The following LPA variants were observed in gnomAD, a reference collection of about 807,000 sequenced individuals.
The protein encoded by LPA is apolipoprotein(a).
LPA carries 199 observed loss-of-function variants against 197.9 expected under a neutral mutation model. The observed-to-expected ratio is 1.01, with a 90% CI of 0.90 to 1.13. The LOEUF is 1.13. LPA is among the 50% of genes most tolerant of loss of function. The pLI is 0.00. For synonymous variants in LPA, 715 were observed against 639.5 expected, an observed-to-expected ratio of 1.12 and a Z score of -1.78; for missense variants, 1,853 against 1,785.8, an observed-to-expected ratio of 1.04 and a Z score of -0.68.
At chr6:160,654,008 TATATTA>T (rs1780067255) in intron 1 of LPA, among the ~76,000 whole-genome samples, 1 of 8,656 alleles carries the variant, frequency 1.2e-4, no homozygotes, top group Admixed American at 2.3e-3. Context: ...ATATATAATA[TATATTA>T]TATATAATAT....
At chr6:160,576,396 A>ATATATATG (rs1778674900) in intron 28 of LPA, among the ~76,000 whole-genome samples, 2 of 46,938 alleles carry the variant, frequency 4.3e-5, no homozygotes, top group African/African-American at 2.4e-4. Flanking sequence ...ATATGTATAT[A>ATATATATG]TATATATATA....
In LPA at chr6:160,653,972, A is replaced by G. The variant is rs1422634628; in HGVS notation, c.50-3475T>C. ...ATATTATATATAATATATATTATAT[A>G]TAATATATAATATATAATATATATT... On this transcript the variant is annotated intron_variant, in intron 1 of 38. Coordinates refer to ENST00000316300, the MANE Select transcript of LPA (RefSeq NM_005577.4). 1.1e-3 allele frequency among the ~76,000 whole-genome samples: 22 copies of G among 20,688 alleles called. 3 individuals are homozygous for G. The highest frequency in any genetic ancestry group is 1.8e-3 in the Non-Finnish European group (22 of 12,296). 13.6% of individuals were successfully genotyped at this position (20,688 alleles called of 152,430 possible).
chr6:160,562,595 G>A (rs559008431), intron 28 of LPA, among the ~76,000 whole-genome samples: 5 of 152,348 alleles, frequency 3.3e-5, no homozygotes, highest in African/African-American at 9.6e-5. Flanking sequence ...AATGAGTTAG[G>A]CAGGAGTCCC....
At chr6:160,576,340 G>GTATATATATATATATATATATATACA (rs1778660677) in intron 28 of LPA, among the ~76,000 whole-genome samples, 1 of 40,394 alleles carries the variant, frequency 2.5e-5, no homozygotes, top group Non-Finnish European at 4.5e-5. Context: ...GTGTGTGTGT[G>GTATATATATATATATATATATATACA]TATATATATA....
At chr6:160,564,727 C>G (rs1778420970) in intron 28 of LPA, among the ~76,000 whole-genome samples, 1 of 152,158 alleles carries the variant, frequency 6.6e-6, no homozygotes, top group African/African-American at 2.4e-5. Context: ...TGTAAGGGGT[C>G]AGGGAATTCC....
At position 160,590,998 on chromosome 6, in the gene LPA, A is replaced by G. The variant is rs1779018603; in HGVS notation, c.3733T>C (p.Cys1245Arg). 1.2e-6 allele frequency: 2 copies of G among 1,614,012 alleles called. No individual in the cohort carries two copies. The highest frequency in any genetic ancestry group is 1.1e-5 in the South Asian group (1 of 91,086). ...AGGACACTTGATTCTGTCACTGGAC[A>G]TTGTGTCAGGTTGCAGTACTCCCAT... is the stretch of plus-strand genomic sequence containing the variant. ...VRWEYCNLTQCPVTESSVLAT... is the reference protein window; with the variant it reads ...VRWEYCNLTQRPVTESSVLAT... Residue 1245 changes from cysteine (C) to arginine (R), a missense_variant, in exon 23 of 39, where the codon TGT (cysteine) becomes CGT (arginine). Cys to Arg is a radical substitution (Grantham distance 180). This residue lies in a region of LPA where 1,737 missense variants were observed against 1,504.4 expected (regional missense o/e 1.15). Coordinates refer to ENST00000316300, the MANE Select transcript of LPA (RefSeq NM_005577.4).
chr6:160,579,426 A>G (rs993025255), intron 26 of LPA, among the ~76,000 whole-genome samples: 4 of 152,250 alleles, frequency 2.6e-5, no homozygotes, highest in African/African-American at 9.6e-5. Context: ...CTCTCAGTCC[A>G]TCCTCTGCTG....
chr6:160,567,891 C>T (rs1354541126), intron 28 of LPA, among the ~76,000 whole-genome samples: 2 of 152,164 alleles, frequency 1.3e-5, no homozygotes, highest in African/African-American at 4.8e-5. Flanking sequence ...ACTAGAAAAT[C>T]TAGAAGAAAT....
chr6:160,597,767 T>C (rs767379794), intron 20 of LPA, among the ~76,000 whole-genome samples: 2 of 152,204 alleles, frequency 1.3e-5, no homozygotes, highest in African/African-American at 2.4e-5. Flanking sequence ...ATTTCTATCA[T>C]TCCTGGTTCT....
intron 2 of LPA, 26 bp downstream of exon 2, chr6:160,650,312 T>G: frequency 6.2e-7 from 1 of 1,611,634 alleles, no homozygotes; most frequent in Non-Finnish European, 8.5e-7. Context: ...GACCTTGTTT[T>G]GCTTACTGTA....
intron 29 of LPA, among the ~76,000 whole-genome samples, chr6:160,556,507 T>C (rs1046562470): frequency 1.3e-5 from 2 of 151,954 alleles, no homozygotes; most frequent in Non-Finnish European, 2.9e-5. Context: ...AACCAGACGA[T>C]GATGGATTAG....
intron 1 of LPA, among the ~76,000 whole-genome samples, chr6:160,659,617 G>A (rs912920063): frequency 6.6e-6 from 1 of 152,206 alleles, no homozygotes; most frequent in African/African-American, 2.4e-5. Flanking sequence ...GGCATTAACG[G>A]TGGTACTGCT....
chr6:160,570,198 C>T (rs562582924), intron 28 of LPA, among the ~76,000 whole-genome samples: 30 of 152,212 alleles, frequency 2.0e-4, no homozygotes, highest in South Asian at 8.3e-4. Flanking sequence ...ATGTTTATTG[C>T]GGCACTATTC....
intron 18 of LPA, among the ~76,000 whole-genome samples, chr6:160,603,684 A>G (rs1236344229): frequency 6.6e-6 from 1 of 151,988 alleles, no homozygotes; most frequent in Non-Finnish European, 1.5e-5. Flanking sequence ...TAAATTTAGA[A>G]CTCACACTGT....
intron 22 of LPA, 35 bp from the exon 23 acceptor site, chr6:160,591,136 T>C: frequency 6.2e-7 from 1 of 1,611,756 alleles, no homozygotes; most frequent in Non-Finnish European, 8.5e-7. Flanking sequence ...TCACCAGAGA[T>C]GGGAGAAGAT....
In LPA at chr6:160,576,381, T is replaced by TACAC. The variant is rs1778669127; in HGVS notation, c.4631+754_4631+755insGTGT. ...ATATATATATACATATATATATATA[T>TACAC]ATATATATGTATATATATATATATA... On this transcript the variant is annotated intron_variant, in intron 28 of 38. Coordinates refer to ENST00000316300, the MANE Select transcript of LPA (RefSeq NM_005577.4). 5.1e-5 allele frequency among the ~76,000 whole-genome samples: 3 copies of TACAC among 59,234 alleles called. No homozygotes were observed. The Admixed American group carries it at 6.8e-4, about 14-fold the overall frequency. 38.9% of individuals were successfully genotyped at this position (59,234 alleles called of 152,430 possible).
chr6:160,537,611 CA>C (rs919032787), intron 37 of LPA, among the ~76,000 whole-genome samples: 5 of 151,682 alleles, frequency 3.3e-5, no homozygotes, highest in East Asian at 3.9e-4. Context: ...ACAATCATTA[CA>C]AAAAAAATTA....
Position 160,532,627 on chromosome 6 carries a change from G to T in LPA, c.5865C>A (p.Leu1955=). The T allele has an allele frequency of 6.2e-7, 1 of 1,608,158 alleles. No homozygotes were observed. Among genetic ancestry groups the T allele is most frequent in the South Asian group, 1.1e-5 (1 of 90,920 alleles). The part of the protein sequence containing the change: ...ETQGTFGTGL[L]KEAQLLVIEN... Reference sequence around the variant, plus strand: ...CAATAACAAGGAGCTGGGCTTCCTTGAGAAGGCCAGTCCCAAAGGTACCTG... The same window carrying T: ...CAATAACAAGGAGCTGGGCTTCCTTTAGAAGGCCAGTCCCAAAGGTACCTG... The change falls in exon 38 of 39, where the codon CTC becomes CTA. Residue 1955 remains leucine (L), a synonymous_variant. Coordinates refer to ENST00000316300, the MANE Select transcript of LPA (RefSeq NM_005577.4).
intron 14 of LPA, among the ~76,000 whole-genome samples, chr6:160,615,362 G>GTGTGTC (rs1779576522): frequency 7.6e-6 from 1 of 132,366 alleles, no homozygotes; most frequent in Non-Finnish European, 1.6e-5. Flanking sequence ...TTGTGTGTGT[G>GTGTGTC]TGTGTGTGTG....
Sources: gnomAD v4.1 joint callset for allele counts (sites outside exome capture counted in the v4.1 genomes callset) on GRCh38, gnomAD v4.1.1 for gene constraint, gnomAD v4.1.1 regional missense constraint, MANE v1.5 for transcripts, NCBI Gene and HGNC (gene_info 2026-07-23, HGNC 2026-07-21) for gene names.